Variants in SLC4A1 observed in about 807,000 individuals in gnomAD.
The protein encoded by SLC4A1 is solute carrier family 4 member 1 (Diego blood group), also known as band 3 anion transport protein.
Under a neutral mutation model 93.1 loss-of-function variants are expected in SLC4A1, and 29 were observed. That is an observed-to-expected ratio of 0.31 (90% confidence interval 0.23 to 0.42). SLC4A1 has a LOEUF of 0.42. Among genes scored for constraint, SLC4A1 ranks in the 20% least tolerant of loss-of-function variants. The pLI is 1.00. For missense variants in SLC4A1, 965 were observed against 1,190.1 expected, an observed-to-expected ratio of 0.81 and a Z score of 2.78; for synonymous variants, 469 against 497.2, an observed-to-expected ratio of 0.94 and a Z score of 0.76.
intron 14 of SLC4A1, 102 bp from the exon 15 acceptor site, chr17:44,255,398 G>T: frequency 1.1e-6 from 1 of 887,160 alleles, no homozygotes; most frequent in Admixed American, 2.0e-5. Flanking sequence ...TCTTCCAGGG[G>T]ATCCATCAGC....
At chr17:44,267,877 A>G (rs369401679) in intron 1 of SLC4A1, among the ~76,000 whole-genome samples, 177 bp downstream of exon 1, 1 of 152,106 alleles carries the variant, frequency 6.6e-6, no homozygotes. Context: ...TCAGGTGCCA[A>G]TGGGCCTGTT....
At chr17:44,264,167 A>C (rs74575241) in intron 1 of SLC4A1, among the ~76,000 whole-genome samples, 2,488 of 152,206 alleles carry the variant, frequency 0.016, 28 homozygotes, top group Non-Finnish European at 0.028. Context: ...CTAATTTTTA[A>C]ATGGTTTCTT....
intron 1 of SLC4A1, among the ~76,000 whole-genome samples, chr17:44,263,466 T>C (rs2047464910): frequency 6.6e-6 from 1 of 152,178 alleles, no homozygotes; most frequent in South Asian, 2.1e-4. Context: ...ACTCCGTCTC[T>C]CTCGCTCTCT....
chr17:44,261,753 CTGGG>C, intron 3 of SLC4A1, 117 bp from the exon 4 acceptor site: 2 of 1,573,446 alleles, frequency 1.3e-6, no homozygotes, highest in Non-Finnish European at 8.7e-7. Flanking sequence ...TCCCAGTGCC[CTGGG>C]CTGGGTCTCT....
Position 44,258,437 on chromosome 17 carries a change from C to T in SLC4A1, c.1063G>A (p.Asp355Asn). 1 of 1,614,046 alleles carries T rather than the reference C, an allele frequency of 6.2e-7. No individual in the cohort carries two copies. Among genetic ancestry groups the T allele is most frequent in the Non-Finnish European group, 8.5e-7 (1 of 1,179,984 alleles). The change falls in exon 10 of 20, where the codon GAC becomes AAC. Residue 355 changes from aspartate to asparagine, a missense_variant. By Grantham distance (23) the Asp-to-Asn change is conservative (BLOSUM62 1). Transcript: ENST00000262418. The surrounding 1 kb of genome is among the most constrained non-coding windows in gnomAD (Gnocchi z 6.1). ...CCTAGGCCCTTGTAGAAGCTGGAGTCTGGCTTGGCAGGGCTGGACTGATAG... is the reference window on the plus strand; with the variant it reads ...CCTAGGCCCTTGTAGAAGCTGGAGTTTGGCTTGGCAGGGCTGGACTGATAG... ...RRYQSSPAKP[D>N]SSFYKGLDLN...
rs200576400 is a variant in SLC4A1 at position 44,257,795 on chromosome 17, C to A, written c.1295G>T (p.Arg432Leu). Residue 432 changes from arginine to leucine, a missense_variant, in exon 12 of 20, where the codon CGG becomes CTG. Physicochemically the swap from Arg to Leu is moderately radical, Grantham distance 102 (BLOSUM62 -2). This residue lies in a region of SLC4A1 where 770 missense variants were observed against 1,006.6 expected (regional missense o/e 0.76). Transcript: ENST00000262418. ...CAGCTCCGACACTCCCATCTGGTTC[C>A]GGGTCTTTTCTCCTGTGGGTAGAGG... is the stretch of plus-strand genomic sequence containing the variant. ...TFGGLLGEKT[R>L]NQMGVSELLI... is the part of the protein sequence containing the mutation. 1 of 1,613,750 alleles carries A rather than the reference C, an allele frequency of 6.2e-7. No individual in the cohort carries two copies. Among genetic ancestry groups the A allele is most frequent in the Admixed American group, 1.7e-5 (1 of 60,018 alleles).
intron 13 of SLC4A1, 62 bp downstream of exon 13, chr17:44,257,286 CCG>C: frequency 3.3e-6 from 5 of 1,529,098 alleles, no homozygotes; most frequent in Non-Finnish European, 4.5e-6. Flanking sequence ...GCCCTCGCAC[CCG>C]GCCACTGTCT....
At chr17:44,256,389 G>T (rs1354770951) in intron 13 of SLC4A1, among the ~76,000 whole-genome samples, 1 of 152,224 alleles carries the variant, frequency 6.6e-6, no homozygotes. Context: ...TGGAGGTCAG[G>T]AAACAAGGGT....
chr17:44,251,301 C>T lies in SLC4A1; in HGVS notation c.2513G>A (p.Gly838Asp). The T allele has an allele frequency of 6.2e-7, 1 of 1,614,208 alleles. No homozygotes were observed. Among genetic ancestry groups the T allele is most frequent in the Non-Finnish European group, 8.5e-7 (1 of 1,180,040 alleles). Reference sequence around the variant, plus strand: ...CACTGCCAGGCAGATGATCTGGATGCCCGTGAATAAGTGCATGCGCCAGGT... The same window carrying T: ...CACTGCCAGGCAGATGATCTGGATGTCCGTGAATAAGTGCATGCGCCAGGT... ...VKTWRMHLFT[G>D]IQIICLAVLW... is the part of the protein sequence containing the mutation. The change falls in exon 19 of 20, where the codon GGC (glycine) becomes GAC (aspartate). Residue 838 changes from glycine to aspartate, a missense_variant. This residue lies in a region of SLC4A1 where 770 missense variants were observed against 1,006.6 expected (regional missense o/e 0.76). Coordinates refer to ENST00000262418, the MANE Select transcript of SLC4A1 (RefSeq NM_000342.4).
chr17:44,267,660 C>T (rs2047505625), intron 1 of SLC4A1, among the ~76,000 whole-genome samples: 1 of 152,204 alleles, frequency 6.6e-6, no homozygotes, highest in Admixed American at 6.5e-5. Context: ...ACTGTGTCAG[C>T]TGACATCCTG....
At chr17:44,255,350 G>T in intron 14 of SLC4A1, 54 bp from the exon 15 acceptor site, 2 of 1,367,104 alleles carry the variant, frequency 1.5e-6, no homozygotes, top group Non-Finnish European at 1.0e-6. Context: ...CCCACCTCCT[G>T]CCTTCCTCCT....
intron 3 of SLC4A1, 113 bp from the exon 4 acceptor site, chr17:44,261,749 T>TG: frequency 1.3e-6 from 2 of 1,551,190 alleles, no homozygotes; most frequent in Non-Finnish European, 8.8e-7. Context: ...TCCTTCCCAG[T>TG]GCCCTGGGCT....
At chr17:44,262,441 C>A (rs1253425498) in intron 3 of SLC4A1, among the ~76,000 whole-genome samples, 195 bp downstream of exon 3, 1 of 152,240 alleles carries the variant, frequency 6.6e-6, no homozygotes, top group African/African-American at 2.4e-5. Context: ...GGGTGACTGC[C>A]CCTGCTCTCC....
At position 44,259,306 on chromosome 17, in the gene SLC4A1, C is replaced by A; in HGVS notation, c.733G>T (p.Val245Leu). ...DFLEQPVLGF[V>L]RLQEAAELEA... Reference sequence around the variant, plus strand: ...AGCTCCGCTGCCTCCTGCAGCCTCACGAAGCCCAGCACCGGCTGCTCCAGG... The same window carrying A: ...AGCTCCGCTGCCTCCTGCAGCCTCAAGAAGCCCAGCACCGGCTGCTCCAGG... Residue 245 changes from valine (V) to leucine (L), a missense_variant, in exon 9 of 20, where the codon GTG (valine) becomes TTG (leucine). Physicochemically the swap from Val to Leu is conservative, Grantham distance 32. Around this residue, in one of 2 missense-constraint regions of SLC4A1, gnomAD observed 770 missense variants for 1,006.6 expected, o/e 0.76. Transcript: ENST00000262418. 6.2e-7 allele frequency: 1 copy of A among 1,613,898 alleles called. No homozygotes were observed. The highest frequency in any genetic ancestry group is 2.2e-5 in the East Asian group (1 of 44,874).
chr17:44,249,626 A>C lies in SLC4A1; in HGVS notation c.*832T>G, dbSNP rs942848982. 6.0e-6 allele frequency: 1 copy of C among 166,256 alleles called. No homozygotes were observed. Among genetic ancestry groups the C allele is most frequent in the African/African-American group, 2.4e-5 (1 of 41,368 alleles). The allele number at this position is 166,256 out of a possible 1,614,324, so 10.3% of individuals were successfully genotyped here. On this transcript the variant is annotated 3_prime_UTR_variant, in exon 20 of 20. Coordinates refer to ENST00000262418, the MANE Select transcript of SLC4A1 (RefSeq NM_000342.4). Reference sequence around the variant, plus strand: ...GAATGAATGAATGAGTGAACTAATGAGTGTTTGGAGGGAGGAACCAAACAC... The same window carrying C: ...GAATGAATGAATGAGTGAACTAATGCGTGTTTGGAGGGAGGAACCAAACAC...
intron 8 of SLC4A1, 44 bp from the exon 9 acceptor site, chr17:44,259,388 G>A (rs765030125): frequency 6.2e-7 from 1 of 1,611,590 alleles, no homozygotes; most frequent in South Asian, 1.1e-5. Flanking sequence ...GGAGCCCAGG[G>A]TGGGTGTGCT....
In SLC4A1 at chr17:44,257,443, G is replaced by T. The variant is rs775170265; in HGVS notation, c.1533C>A (p.Phe511Leu). 1.9e-6 allele frequency: 3 copies of T among 1,613,950 alleles called. No homozygotes were observed. The highest frequency in any genetic ancestry group is 2.7e-5 in the African/African-American group (2 of 74,870). Residue 511 changes from phenylalanine to leucine, a missense_variant, in exon 13 of 20, where the codon TTC (phenylalanine) becomes TTA (leucine). Phe to Leu is a conservative substitution (Grantham distance 22). Around this residue, in one of 2 missense-constraint regions of SLC4A1, gnomAD observed 770 missense variants for 1,006.6 expected, o/e 0.76. Transcript: ENST00000262418. ...VVLVVAFEGS[F>L]LVRFISRYTQ... ...TATAGCGGGAGATGAAGCGGACCAG[G>T]AAGCTACCCTCGAAGGCCACCACCA...
Position 44,260,791 on chromosome 17 carries a change from C to T in SLC4A1, c.193G>A (p.Val65Met). 6.2e-7 allele frequency: 1 copy of T among 1,613,102 alleles called. No homozygotes were observed. Residue 65 changes from valine (V) to methionine (M), a missense_variant, in exon 5 of 20, where the codon GTG (valine) becomes ATG (methionine). Val to Met is a conservative substitution (Grantham distance 21). Around this residue, in one of 2 missense-constraint regions of SLC4A1, gnomAD observed 195 missense variants for 183.5 expected, o/e 1.06. Transcript: ENST00000262418. Reference sequence around the variant, plus strand: ...AGCTCCTGGTTCTTTTCGTCCATCACCAGCTCCTGCAGCTCCACATAGACC... The same window carrying T: ...AGCTCCTGGTTCTTTTCGTCCATCATCAGCTCCTGCAGCTCCACATAGACC... ...HKVYVELQEL[V>M]MDEKNQELRW...
rs906723408 is a variant in SLC4A1, at chr17:44,258,119, C to T, written c.1149G>A (p.Val383=). ...QQTGQLFGGL[V]RDIRRRYPYY... ...AGGGGTAGCGGCGCCGGATATCACG[C>T]ACCAGGCCCCCGAAGAGCTGGCCTG... The change falls in exon 11 of 20, where the codon GTG becomes GTA. Residue 383 remains valine, a synonymous_variant. Transcript: ENST00000262418. The surrounding 1 kb of genome is among the most constrained non-coding windows in gnomAD (Gnocchi z 6.1). The T allele has an allele frequency of 1.6e-5, 26 of 1,614,070 alleles. No individual in the cohort carries two copies. The highest frequency in any genetic ancestry group is 2.1e-5 in the Non-Finnish European group (25 of 1,179,996).
Sources: allele counts gnomAD v4.1 joint callset (sites outside exome capture counted in the v4.1 genomes callset), GRCh38; gene constraint gnomAD v4.1.1; regional missense constraint gnomAD v4.1.1; non-coding constraint Gnocchi (gnomAD v3.1); transcripts MANE v1.5; gene names NCBI Gene and HGNC (gene_info 2026-07-23, HGNC 2026-07-21).